GYS2: variants seen among roughly 807,000 people sequenced by gnomAD.
GYS2 encodes glycogen [starch] synthase, liver.
A neutral mutation model predicts 85.6 loss-of-function variants in GYS2; 80 were observed. The ratio of observed to expected loss-of-function variants is 0.93; its 90% CI spans 0.78 to 1.13. GYS2 has a LOEUF of 1.13. GYS2 is among the 50% of genes most tolerant of loss of function. GYS2 has a pLI of 0.00. For synonymous variants in GYS2, 328 were observed against 300.7 expected (o/e 1.09, Z -0.94); for missense variants, 881 against 854.9 (o/e 1.03, Z -0.38).
intron 11 of GYS2, among the ~76,000 whole-genome samples, chr12:21,557,408 G>A (rs1199198242): frequency 6.6e-6 from 1 of 152,004 alleles, no homozygotes; most frequent in Non-Finnish European, 1.5e-5. Flanking sequence ...TAGTCATTGT[G>A]GAAACTCAAG....
At chr12:21,600,370 C>T (rs1399214129) in intron 1 of GYS2, among the ~76,000 whole-genome samples, 1 of 152,164 alleles carries the variant, frequency 6.6e-6, no homozygotes. Context: ...TCAAACAATT[C>T]TCCCACCTCA....
chr12:21,580,318 C>A, intron 2 of GYS2, 24 bp downstream of exon 2: 4 of 1,598,058 alleles, frequency 2.5e-6, no homozygotes, highest in Non-Finnish European at 3.4e-6. Flanking sequence ...TGAGAATTGC[C>A]AAGTGAAGTG....
intron 2 of GYS2, among the ~76,000 whole-genome samples, chr12:21,579,429 T>C (rs1368847060): frequency 6.6e-6 from 1 of 150,598 alleles, no homozygotes; most frequent in Non-Finnish European, 1.5e-5. Flanking sequence ...TCTCAGCTCA[T>C]TGCAACCTCT....
chr12:21,575,460 T>C (rs1024549031), intron 3 of GYS2, among the ~76,000 whole-genome samples: 1 of 152,158 alleles, frequency 6.6e-6, no homozygotes, highest in African/African-American at 2.4e-5. Flanking sequence ...GAGAGTAAAC[T>C]TAAAACAGTG....
chr12:21,581,089 A>T (rs1305831531), intron 1 of GYS2, among the ~76,000 whole-genome samples: 1 of 152,234 alleles, frequency 6.6e-6, no homozygotes, highest in Non-Finnish European at 1.5e-5. Flanking sequence ...GTGCTTATAG[A>T]TGTTCATAGA....
chr12:21,577,225 T>TTTTTCTCC (rs1419476297), intron 2 of GYS2, among the ~76,000 whole-genome samples: 1 of 152,194 alleles, frequency 6.6e-6, no homozygotes, highest in Non-Finnish European at 1.5e-5. Context: ...TTTTCAATAG[T>TTTTTCTCC]TTTTCTCCTT....
chr12:21,554,392 G>T (rs930294458), intron 11 of GYS2, among the ~76,000 whole-genome samples: 4 of 152,112 alleles, frequency 2.6e-5, no homozygotes, highest in African/African-American at 9.7e-5. Flanking sequence ...CTCCCTGCCT[G>T]TACTTGCTTT....
intron 1 of GYS2, among the ~76,000 whole-genome samples, chr12:21,587,783 A>G (rs1944591079): frequency 6.6e-6 from 1 of 152,204 alleles, no homozygotes. Context: ...CAAGCAAAAT[A>G]TCACTTAATG....
intron 2 of GYS2, among the ~76,000 whole-genome samples, chr12:21,577,182 T>C (rs1286096110): frequency 1.3e-5 from 2 of 152,190 alleles, no homozygotes; most frequent in African/African-American, 4.8e-5. Context: ...ACTGTTTCCT[T>C]TTAAGATGAA....
chr12:21,603,185 G>A (rs966483318), intron 1 of GYS2, among the ~76,000 whole-genome samples: 4 of 152,022 alleles, frequency 2.6e-5, no homozygotes, highest in Admixed American at 6.6e-5. Context: ...AATTTAAAAA[G>A]AAACAACAGA....
chr12:21,582,532 C>T (rs1944521608), intron 1 of GYS2, among the ~76,000 whole-genome samples: 1 of 151,884 alleles, frequency 6.6e-6, no homozygotes, highest in Non-Finnish European at 1.5e-5. Flanking sequence ...ACCTTGTGAA[C>T]ATGTGAGTCA....
intron 4 of GYS2, among the ~76,000 whole-genome samples, chr12:21,571,590 T>G (rs774877189): frequency 4.6e-4 from 70 of 152,038 alleles, no homozygotes; most frequent in Non-Finnish European, 9.6e-4. Context: ...ACCAAATAAT[T>G]GTCCATGGCT....
In GYS2 at chr12:21,576,066, T is replaced by C. The variant is rs1316209627; in HGVS notation, c.304-9A>G. 1 of 1,606,544 alleles carries C rather than the reference T, an allele frequency of 6.2e-7. No individual in the cohort carries two copies. The highest frequency in any genetic ancestry group is 8.5e-7 in the Non-Finnish European group (1 of 1,175,524). ...CATCTTCCAAAATGCACCTGTCATA[T>C]AAAGAACACAGCCATGTAGTGATAT... On this transcript the variant is annotated splice_polypyrimidine_tract_variant and intron_variant, in intron 2 of 15. Coordinates refer to ENST00000261195, the MANE Select transcript of GYS2 (RefSeq NM_021957.4).
At chr12:21,568,504 C>G (rs1042131795) in intron 5 of GYS2, among the ~76,000 whole-genome samples, 2 of 152,216 alleles carry the variant, frequency 1.3e-5, no homozygotes, top group African/African-American at 4.8e-5. Context: ...AGATGTAGGA[C>G]TGGGATAGTC....
At chr12:21,574,025 G>T in intron 4 of GYS2, 119 bp downstream of exon 4, 1 of 795,158 alleles carries the variant, frequency 1.3e-6, no homozygotes, top group Non-Finnish European at 2.1e-6. Flanking sequence ...ATATTGATTA[G>T]CTAAAAGGGC....
intron 1 of GYS2, among the ~76,000 whole-genome samples, chr12:21,597,547 AAC>A (rs1565613867): frequency 6.6e-6 from 1 of 152,060 alleles, no homozygotes; most frequent in African/African-American, 2.4e-5. Context: ...ATAAATAAAT[AAC>A]ACATGCTGGC....
rs115261123 is a variant in GYS2, at chr12:21,539,584, G to A, written c.1810-246C>T. ...AGAATGCCCATACTGGTCATATTGA[G>A]CTCTGAATTGAGCATTAAGGTGACT... On this transcript the variant is annotated intron_variant, in intron 14 of 15. Transcript: ENST00000261195. Among the ~76,000 whole-genome samples the A allele has an allele frequency of 4.8e-3, 731 of 152,272 alleles. 10 individuals carry two copies. Among genetic ancestry groups the A allele is most frequent in the African/African-American group, 0.017 (705 of 41,576 alleles).
Position 21,604,700 on chromosome 12 carries a change from GC to G in GYS2, c.-109del, listed in dbSNP as rs1244909229. 6.4e-7 allele frequency: 1 copy of G among 1,568,056 alleles called. No individual in the cohort carries two copies. The highest frequency in any genetic ancestry group is 1.7e-4 in the Middle Eastern group (1 of 5,804). ...AAGTTAGAGTTGGTAGAGTTACCAGGCTTTGGTAGCTTCTCTTGGGAATAAA... is the reference window on the plus strand; with the variant it reads ...AAGTTAGAGTTGGTAGAGTTACCAGGTTTGGTAGCTTCTCTTGGGAATAAA... On this transcript the variant is annotated 5_prime_UTR_variant, in exon 1 of 16. An upstream open reading frame in the 5' UTR loses its in-frame stop. Transcript: ENST00000261195.
At chr12:21,553,218 GTCTAATTTAA>G (rs1382598578) in intron 11 of GYS2, among the ~76,000 whole-genome samples, 2 of 152,288 alleles carry the variant, frequency 1.3e-5, no homozygotes, top group Admixed American at 1.3e-4. Context: ...CTTGGCCTAT[GTCTAATTTAA>G]TCCTTACAGT....
Sources: allele counts gnomAD v4.1 joint callset (sites outside exome capture counted in the v4.1 genomes callset), GRCh38; gene constraint gnomAD v4.1.1; transcripts MANE v1.5; gene names NCBI Gene and HGNC (gene_info 2026-07-23, HGNC 2026-07-21).